The following SPAG16 variants were observed in gnomAD, a reference collection of about 807,000 sequenced individuals.
SPAG16 encodes the protein sperm-associated antigen 16 protein.
A neutral mutation model predicts 80.4 loss-of-function variants in SPAG16; 86 were observed. That is an observed-to-expected ratio of 1.07 (90% CI 0.90 to 1.28). The LOEUF is 1.28. SPAG16 is among the 50% of genes most tolerant of loss of function. SPAG16 has a pLI of 0.00. For synonymous variants in SPAG16, 294 were observed against 265.9 expected (o/e 1.11, Z -1.03); for missense variants, 870 against 765.3 (o/e 1.14, Z -1.61).
chr2:213,926,569 C>T (rs1009500969), intron 11 of SPAG16, among the ~76,000 whole-genome samples: 9 of 151,828 alleles, frequency 5.9e-5, no homozygotes, highest in Admixed American at 2.0e-4. Context: ...GCTATTTAAC[C>T]CATCCATTGA....
At chr2:213,895,730 A>C (rs1294113422) in intron 11 of SPAG16, among the ~76,000 whole-genome samples, 5 of 152,116 alleles carry the variant, frequency 3.3e-5, no homozygotes, top group Non-Finnish European at 4.4e-5. Flanking sequence ...CTATATAATT[A>C]TGTAGAAGAA....
At chr2:214,168,957 G>A (rs796341012) in intron 15 of SPAG16, among the ~76,000 whole-genome samples, 3 of 152,170 alleles carry the variant, frequency 2.0e-5, no homozygotes, top group African/African-American at 4.8e-5. Context: ...TTTGTGTATG[G>A]AATACTACAA....
intron 10 of SPAG16, among the ~76,000 whole-genome samples, chr2:213,567,860 G>C: frequency 2.1e-5 from 1 of 47,160 alleles, no homozygotes; most frequent in Non-Finnish European, 3.6e-5. Context: ...CAGTGTAAAA[G>C]TGTTCCTATT....
intron 15 of SPAG16, among the ~76,000 whole-genome samples, chr2:214,369,296 G>A (rs1028250148): frequency 6.6e-6 from 1 of 152,082 alleles, no homozygotes; most frequent in African/African-American, 2.4e-5. Context: ...AGAAAAAGAA[G>A]AAGTTTGGTC....
intron 13 of SPAG16, among the ~76,000 whole-genome samples, chr2:214,032,228 GACAAA>G (rs1295837826): frequency 3.3e-5 from 5 of 152,186 alleles, no homozygotes; most frequent in African/African-American, 7.2e-5. Flanking sequence ...ATGTCTGGTT[GACAAA>G]ACAAAAGGTT....
intron 11 of SPAG16, among the ~76,000 whole-genome samples, chr2:213,926,467 C>G (rs775558953): frequency 2.9e-4 from 44 of 152,116 alleles, no homozygotes; most frequent in Non-Finnish European, 5.6e-4. Context: ...TAGCTTAACT[C>G]CCACCTGTGA....
intron 5 of SPAG16, 122 bp downstream of exon 5, chr2:213,317,478 G>A (rs1364694803): frequency 4.4e-6 from 6 of 1,362,624 alleles, no homozygotes; most frequent in Non-Finnish European, 4.7e-6. Flanking sequence ...TTTTCTAGTT[G>A]TAAAGAATGT....
chr2:213,364,429 G>A (rs923416819), intron 8 of SPAG16: 1 of 180,358 alleles, frequency 5.5e-6, no homozygotes, highest in Non-Finnish European at 1.2e-5. Context: ...TAAGCTGTAA[G>A]ATCAGACAAC....
chr2:213,711,245 A>C (rs879117652), intron 10 of SPAG16, among the ~76,000 whole-genome samples: 1 of 152,082 alleles, frequency 6.6e-6, no homozygotes, highest in Admixed American at 6.5e-5. Context: ...TTTTGGATAA[A>C]TTGTTATGGC....
rs555489843 is a variant in SPAG16 at position 214,204,783 on chromosome 2, C to G, written c.1720+55517C>G. Among the ~76,000 whole-genome samples, 360 of 152,264 alleles carry G rather than the reference C, an allele frequency of 2.4e-3. 1 individual carries two copies. The highest frequency in any genetic ancestry group is 3.9e-3 in the Non-Finnish European group (262 of 68,016). ...CAAAACAAGGTTCTTTAATGCCCCC[C>G]TCCCCAAAAGATCACACCAGCTCAC... is the stretch of plus-strand genomic sequence containing the variant. On this transcript the variant is annotated intron_variant, in intron 15 of 15. Coordinates refer to ENST00000331683, the MANE Select transcript of SPAG16 (RefSeq NM_024532.5).
intron 10 of SPAG16, among the ~76,000 whole-genome samples, chr2:213,573,086 C>A (rs1259228256): frequency 6.6e-6 from 1 of 152,182 alleles, no homozygotes; most frequent in Non-Finnish European, 1.5e-5. Context: ...ATGCCTCGCC[C>A]TGCTTTGGCT....
chr2:213,783,534 C>T (rs1212660127), intron 10 of SPAG16, among the ~76,000 whole-genome samples: 5 of 120,966 alleles, frequency 4.1e-5, no homozygotes, highest in East Asian at 2.4e-4. Flanking sequence ...AAAATATATA[C>T]GTATGAGGAA....
chr2:213,732,960 T>G (rs889236787), intron 10 of SPAG16, among the ~76,000 whole-genome samples: 1 of 152,224 alleles, frequency 6.6e-6, no homozygotes, highest in African/African-American at 2.4e-5. Context: ...CACACTGTCT[T>G]CCAGATTAAT....
intron 10 of SPAG16, among the ~76,000 whole-genome samples, chr2:213,592,621 C>G (rs777978681): frequency 1.3e-5 from 2 of 152,124 alleles, no homozygotes; most frequent in Non-Finnish European, 2.9e-5. Context: ...TTAGCAGTTC[C>G]TTGGGGACCT....
At chr2:214,067,240 A>G (rs1293444709) in intron 13 of SPAG16, among the ~76,000 whole-genome samples, 2 of 152,178 alleles carry the variant, frequency 1.3e-5, no homozygotes, top group Non-Finnish European at 2.9e-5. Flanking sequence ...AACACAGCTG[A>G]TAGACAAAGC....
intron 10 of SPAG16, among the ~76,000 whole-genome samples, chr2:213,718,850 C>T (rs1043904815): frequency 6.6e-6 from 1 of 152,190 alleles, no homozygotes; most frequent in East Asian, 1.9e-4. Flanking sequence ...CCAGTCCCAT[C>T]GACCACCCAA....
intron 12 of SPAG16, among the ~76,000 whole-genome samples, chr2:213,970,732 T>C (rs557602824): frequency 9.8e-5 from 15 of 152,338 alleles, no homozygotes; most frequent in African/African-American, 2.6e-4. Flanking sequence ...CTTCCAAGGA[T>C]ATGCATGAAC....
chr2:213,635,723 T>G (rs893655569), intron 10 of SPAG16, among the ~76,000 whole-genome samples: 2 of 152,208 alleles, frequency 1.3e-5, no homozygotes, highest in Non-Finnish European at 2.9e-5. Flanking sequence ...ACTGAAGCAC[T>G]CCCTTGTTTC....
rs915454989 is a variant in SPAG16 at position 214,328,462 on chromosome 2, G to A, written c.1721-81678G>A. Among the ~76,000 whole-genome samples the A allele has an allele frequency of 2.6e-5, 4 of 152,176 alleles. No homozygotes were observed. In the East Asian group the frequency reaches 5.8e-4, roughly 22 times the overall value. The stretch of plus-strand genomic sequence containing the variant: ...ACAGGCGTGAGCCACCATGCCCAAC[G>A]TGTTTAGCAGTCTTTGAGAAAATTT... On this transcript the variant is annotated intron_variant, in intron 15 of 15. Coordinates refer to ENST00000331683, the MANE Select transcript of SPAG16 (RefSeq NM_024532.5).
Sources: gnomAD v4.1 joint callset for allele counts (sites outside exome capture counted in the v4.1 genomes callset) on GRCh38, gnomAD v4.1.1 for gene constraint, MANE v1.5 for transcripts, NCBI Gene and HGNC (gene_info 2026-07-23, HGNC 2026-07-21) for gene names.